The following ARHGAP39 variants were observed in gnomAD, a reference collection of about 807,000 sequenced individuals.
The protein encoded by ARHGAP39 is rho GTPase-activating protein 39.
Under a neutral mutation model 106.9 loss-of-function variants are expected in ARHGAP39, and 44 were observed. The observed-to-expected ratio is 0.41, with a 90% CI of 0.32 to 0.53. ARHGAP39 has a LOEUF of 0.53. Ranked by LOEUF, ARHGAP39 falls within the 20% of genes least tolerant of loss-of-function variation. The pLI is 0.21. For synonymous variants in ARHGAP39, 768 were observed against 693.2 expected (o/e 1.11, Z -1.69); for missense variants, 1,496 against 1,577.3 (o/e 0.95, Z 0.87).
In ARHGAP39 at chr8:144,609,691, C is replaced by T. The variant is rs190351673; in HGVS notation, c.-81-3996G>A. On this transcript the variant is annotated intron_variant, in intron 1 of 11. Transcript: ENST00000377307. The stretch of plus-strand genomic sequence containing the variant: ...TGTTGGGATTACAGGCGTGAGCCAC[C>T]GCGCCTGGCCATATTGTCCTTTTTA... 3.1e-3 allele frequency among the ~76,000 whole-genome samples: 464 copies of T among 152,072 alleles called. 5 individuals are homozygous for T. Among genetic ancestry groups the T allele is most frequent in the African/African-American group, 0.011 (449 of 41,380 alleles).
At chr8:144,663,585 G>A (rs548619672) in intron 1 of ARHGAP39, among the ~76,000 whole-genome samples, 2 of 152,248 alleles carry the variant, frequency 1.3e-5, no homozygotes, top group African/African-American at 4.8e-5. Context: ...AACCACAGCA[G>A]CCTCCTTCCT....
At chr8:144,682,481 G>A (rs13258307) in intron 1 of ARHGAP39, among the ~76,000 whole-genome samples, 54,861 of 148,030 alleles carry the variant, frequency 0.37, 11,826 homozygotes, top group South Asian at 0.49. Context: ...CCCAGGAGGC[G>A]GAGCTTGCAG....
At chr8:144,672,637 AGCCTGCAAGAGGCT>A (rs1250228455) in intron 1 of ARHGAP39, among the ~76,000 whole-genome samples, 17 of 152,276 alleles carry the variant, frequency 1.1e-4, no homozygotes, top group African/African-American at 3.8e-4. Context: ...CGCCTAGACC[AGCCTGCAAGAGGCT>A]GGTTCATCAG....
At chr8:144,584,413 A>G (rs556547666) in intron 2 of ARHGAP39, among the ~76,000 whole-genome samples, 3 of 152,002 alleles carry the variant, frequency 2.0e-5, no homozygotes, top group African/African-American at 7.3e-5. Flanking sequence ...GGATCTTAGG[A>G]TAGCTTGTTA....
rs1267939209 is a variant in ARHGAP39, at chr8:144,597,409, T to C, written c.80+8126A>G. Among the ~76,000 whole-genome samples the C allele has an allele frequency of 2.0e-4, 30 of 152,154 alleles. 2 individuals are homozygous for C. The highest frequency in any genetic ancestry group is 2.0e-3 in the Admixed American group (30 of 15,272). On this transcript the variant is annotated intron_variant, in intron 2 of 11. Coordinates refer to ENST00000377307, the MANE Select transcript of ARHGAP39 (RefSeq NM_025251.3). Reference sequence around the variant, plus strand: ...CACGTGGAGGGAGGGCGGAGGCATCTTTGAATCAAAGGACTGCAGCTGGGG... The same window carrying C: ...CACGTGGAGGGAGGGCGGAGGCATCCTTGAATCAAAGGACTGCAGCTGGGG...
At chr8:144,631,148 G>A (rs1214619824) in intron 1 of ARHGAP39, among the ~76,000 whole-genome samples, 3 of 152,154 alleles carry the variant, frequency 2.0e-5, no homozygotes, top group Non-Finnish European at 2.9e-5. Flanking sequence ...CTCACTCATC[G>A]CCAAGGGGGT....
the ARHGAP39 span, among the ~76,000 whole-genome samples, chr8:144,691,850 T>C: frequency 1.3e-5 from 2 of 151,942 alleles, no homozygotes; most frequent in African/African-American, 4.8e-5. Context: ...GTGAGGGCCA[T>C]TAAGCGGCGG....
chr8:144,536,454 C>G (rs995456810), intron 7 of ARHGAP39, among the ~76,000 whole-genome samples: 2 of 152,222 alleles, frequency 1.3e-5, no homozygotes, highest in African/African-American at 4.8e-5. Flanking sequence ...CCTGCTCCGC[C>G]TGGCTGCAGC....
chr8:144,549,132 C>T, intron 4 of ARHGAP39, among the ~76,000 whole-genome samples: 1 of 152,258 alleles, frequency 6.6e-6, no homozygotes, highest in East Asian at 1.9e-4. Flanking sequence ...GTGCATGAGT[C>T]CCACTCACTC....
chr8:144,629,403 C>T lies in ARHGAP39; in HGVS notation c.-81-23708G>A, dbSNP rs114673170. Reference sequence around the variant, plus strand: ...GCTCCAGCGGGGCTGAGGCGGAGCACGGCTGTGAGACCTCCAGGGCTTGGC... The same window carrying T: ...GCTCCAGCGGGGCTGAGGCGGAGCATGGCTGTGAGACCTCCAGGGCTTGGC... On this transcript the variant is annotated intron_variant, in intron 1 of 11. Coordinates refer to ENST00000377307, the MANE Select transcript of ARHGAP39 (RefSeq NM_025251.3). Among the ~76,000 whole-genome samples the T allele has an allele frequency of 7.0e-3, 1,071 of 152,222 alleles. 13 individuals are homozygous for T. The highest frequency in any genetic ancestry group is 0.024 in the African/African-American group (995 of 41,530).
At chr8:144,690,013 C>T (rs1822711552), upstream of ARHGAP39, among the ~76,000 whole-genome samples, 3 of 152,060 alleles carry the variant, frequency 2.0e-5, no homozygotes, top group South Asian at 2.1e-4. Flanking sequence ...TCCCAAAGTG[C>T]TGGGATTACA....
intron 7 of ARHGAP39, among the ~76,000 whole-genome samples, chr8:144,537,327 G>A (rs964106639): frequency 6.6e-6 from 1 of 152,070 alleles, no homozygotes; most frequent in South Asian, 2.1e-4. Context: ...AGCCCTGGGC[G>A]GGAAGACAGG....
intron 4 of ARHGAP39, among the ~76,000 whole-genome samples, chr8:144,550,072 AG>A (rs1817636212): frequency 6.6e-6 from 1 of 152,096 alleles, no homozygotes; most frequent in South Asian, 2.1e-4. Flanking sequence ...CAGGGCTTCA[AG>A]ACCAGCCTGG....
chr8:144,600,355 G>C (rs769699337), intron 2 of ARHGAP39, among the ~76,000 whole-genome samples: 7 of 150,936 alleles, frequency 4.6e-5, no homozygotes, highest in Non-Finnish European at 8.9e-5. Flanking sequence ...TGTGCGTGGA[G>C]GCATGCGTGC....
chr8:144,596,808 G>T (rs1229192329), intron 2 of ARHGAP39, among the ~76,000 whole-genome samples: 2 of 152,188 alleles, frequency 1.3e-5, no homozygotes, highest in Admixed American at 6.5e-5. Context: ...CTGCAGGAGC[G>T]GCCACCATGA....
chr8:144,573,224 T>C (rs961512529), intron 3 of ARHGAP39, among the ~76,000 whole-genome samples: 2 of 152,090 alleles, frequency 1.3e-5, no homozygotes, highest in African/African-American at 2.4e-5. Flanking sequence ...CAATGAATGA[T>C]AGACTGGATT....
At chr8:144,636,820 G>A (rs182287170) in intron 1 of ARHGAP39, among the ~76,000 whole-genome samples, 26 of 152,282 alleles carry the variant, frequency 1.7e-4, no homozygotes, top group Non-Finnish European at 2.1e-4. Flanking sequence ...GAAAAAAGAT[G>A]CCTGAGGCCT....
chr8:144,547,457 G>C lies in ARHGAP39; in HGVS notation c.1629C>G (p.Ala543=). The change falls in exon 5 of 12, where the codon GCC becomes GCG. Residue 543 remains alanine, a synonymous_variant. Coordinates refer to ENST00000377307, the MANE Select transcript of ARHGAP39 (RefSeq NM_025251.3). The surrounding 1 kb of genome is among the most constrained non-coding windows in gnomAD (Gnocchi z 5.2). The stretch of plus-strand genomic sequence containing the variant: ...GCTCGGCCGCGCCCCGCGCCCCTTC[G>C]GCCTCACCTTCCGCTCGCTTCACGG... ...LAPVKRAEGE[A]EGARGAAEPF... 1 of 1,562,900 alleles carries C rather than the reference G, an allele frequency of 6.4e-7. No homozygotes were observed. Among genetic ancestry groups the C allele is most frequent in the Non-Finnish European group, 8.6e-7 (1 of 1,161,144 alleles).
chr8:144,572,551 C>T (rs1818623163), intron 3 of ARHGAP39, among the ~76,000 whole-genome samples: 1 of 152,178 alleles, frequency 6.6e-6, no homozygotes, highest in African/African-American at 2.4e-5. Flanking sequence ...CATTACCATT[C>T]AGGACACAGG....
Sources: gnomAD v4.1 joint callset for allele counts (sites outside exome capture counted in the v4.1 genomes callset) on GRCh38, gnomAD v4.1.1 for gene constraint, Gnocchi (gnomAD v3.1) non-coding constraint, MANE v1.5 for transcripts, NCBI Gene and HGNC (gene_info 2026-07-23, HGNC 2026-07-21) for gene names.